Variants in FRS2 observed in about 807,000 individuals in gnomAD.
FRS2 encodes the protein FGFR signalling adaptor.
In FRS2, 8 loss-of-function variants were observed where a neutral mutation model predicts 43.9. That is an observed-to-expected ratio of 0.18 (90% CI 0.11 to 0.33). The LOEUF (loss-of-function observed/expected upper bound fraction) is 0.33, where lower values mean the gene tolerates loss of function less well. Among genes scored for constraint, FRS2 ranks in the 10% least tolerant of loss-of-function variants. The pLI is 1.00. For synonymous variants in FRS2, 219 were observed against 220.3 expected (o/e 0.99, Z 0.05); for missense variants, 534 against 627.6 (o/e 0.85, Z 1.59).
At chr12:69,496,287 A>AG (rs757554644) in intron 1 of FRS2, among the ~76,000 whole-genome samples, 6 of 152,118 alleles carry the variant, frequency 3.9e-5, no homozygotes, top group Non-Finnish European at 7.4e-5. Context: ...ATACAAAAAA[A>AG]TTAGCCGGGC....
At chr12:69,521,761 C>T (rs1285324407) in intron 1 of FRS2, among the ~76,000 whole-genome samples, 1 of 152,060 alleles carries the variant, frequency 6.6e-6, no homozygotes, top group African/African-American at 2.4e-5. Context: ...ACTACAGGTG[C>T]CCGCCACCGC....
intron 1 of FRS2, among the ~76,000 whole-genome samples, chr12:69,492,829 G>C (rs1276501560): frequency 1.3e-5 from 2 of 152,166 alleles, no homozygotes; most frequent in Non-Finnish European, 1.5e-5. Flanking sequence ...TTCCATGGTG[G>C]AGCAAAACAG....
At chr12:69,501,722 G>A (rs774172038) in intron 1 of FRS2, among the ~76,000 whole-genome samples, 3 of 152,082 alleles carry the variant, frequency 2.0e-5, no homozygotes, top group Non-Finnish European at 2.9e-5. Flanking sequence ...AACTCTGGAG[G>A]GTGTGGACGG....
intron 3 of FRS2, among the ~76,000 whole-genome samples, chr12:69,540,493 CA>C (rs202201669): frequency 0.01 from 1,564 of 152,008 alleles, 22 homozygotes; most frequent in African/African-American, 0.036. Context: ...AATTATAACT[CA>C]GAGTATAAAA....
chr12:69,476,177 T>G (rs1039932664), intron 1 of FRS2, among the ~76,000 whole-genome samples: 1 of 152,250 alleles, frequency 6.6e-6, no homozygotes, highest in Non-Finnish European at 1.5e-5. Flanking sequence ...TCTGCCCTTG[T>G]GTTAGCCTAC....
chr12:69,517,271 ATGT>A (rs1425808903), intron 1 of FRS2, among the ~76,000 whole-genome samples: 5 of 152,230 alleles, frequency 3.3e-5, no homozygotes, highest in Non-Finnish European at 7.3e-5. Flanking sequence ...ATTATTTAAA[ATGT>A]TGTATAAAAT....
intron 1 of FRS2, among the ~76,000 whole-genome samples, chr12:69,492,225 G>T (rs1328604649): frequency 2.0e-5 from 3 of 152,160 alleles, no homozygotes; most frequent in Non-Finnish European, 4.4e-5. Context: ...TTGACTAGAG[G>T]CTGGGGGTAG....
chr12:69,471,719 C>T (rs1870313975), intron 1 of FRS2, among the ~76,000 whole-genome samples: 1 of 152,224 alleles, frequency 6.6e-6, no homozygotes, highest in South Asian at 2.1e-4. Context: ...TAAGGGAATG[C>T]AGTTACTGCA....
intron 3 of FRS2, among the ~76,000 whole-genome samples, chr12:69,538,223 A>ATATATATATATATATATATATATATG (rs1194377826): frequency 3.0e-5 from 3 of 100,180 alleles, no homozygotes; most frequent in African/African-American, 1.3e-4. Context: ...ATATATATAT[A>ATATATATATATATATATATATATATG]GCATTGCAGA....
intron 3 of FRS2, among the ~76,000 whole-genome samples, chr12:69,559,329 A>C (rs1879687579): frequency 6.6e-6 from 1 of 152,200 alleles, no homozygotes; most frequent in Admixed American, 6.5e-5. Flanking sequence ...TAATTGCCAG[A>C]AATTAAGGTA....
chr12:69,514,844 A>T (rs76770844), intron 1 of FRS2, among the ~76,000 whole-genome samples: 1 of 142,784 alleles, frequency 7.0e-6, no homozygotes, highest in Non-Finnish European at 1.5e-5. Context: ...AAAAAAAAAA[A>T]GATGGGTGGA....
intron 3 of FRS2, among the ~76,000 whole-genome samples, chr12:69,551,339 C>T (rs1254747878): frequency 2.0e-5 from 3 of 151,570 alleles, no homozygotes; most frequent in African/African-American, 7.3e-5. Context: ...GGCAATGGAG[C>T]GAGACCCTGT....
intron 1 of FRS2, among the ~76,000 whole-genome samples, chr12:69,499,995 C>T (rs1354232036): frequency 6.6e-6 from 1 of 152,064 alleles, no homozygotes; most frequent in Non-Finnish European, 1.5e-5. Context: ...GAGGGCCATT[C>T]CAAGATTCAG....
At chr12:69,533,055 C>T (rs1466667541) in intron 3 of FRS2, among the ~76,000 whole-genome samples, 1 of 152,142 alleles carries the variant, frequency 6.6e-6, no homozygotes, top group Non-Finnish European at 1.5e-5. Flanking sequence ...GTAGGATTGG[C>T]TTTAGGTTCT....
chr12:69,487,284 G>A (rs1197421709), intron 1 of FRS2, among the ~76,000 whole-genome samples: 1 of 152,190 alleles, frequency 6.6e-6, no homozygotes, highest in Non-Finnish European at 1.5e-5. Flanking sequence ...ATCTATGCTT[G>A]GTTTGAAAGC....
At chr12:69,538,040 G>A (rs530877038) in intron 3 of FRS2, 2 of 152,420 alleles carry the variant, frequency 1.3e-5, no homozygotes, top group East Asian at 3.9e-4. Context: ...GCAACTGTAT[G>A]GAAGGCAGTC....
At chr12:69,489,260 TG>T (rs746594075) in intron 1 of FRS2, among the ~76,000 whole-genome samples, 6 of 152,162 alleles carry the variant, frequency 3.9e-5, no homozygotes, top group Non-Finnish European at 8.8e-5. Context: ...AGGTAGTGTT[TG>T]GGGTAGAGTT....
chr12:69,494,175 A>G (rs1872692844), intron 1 of FRS2, among the ~76,000 whole-genome samples: 1 of 152,240 alleles, frequency 6.6e-6, no homozygotes, highest in African/African-American at 2.4e-5. Flanking sequence ...CTGAGGCTAC[A>G]AAGTCCAATA....
At chr12:69,547,829 A>ATT (rs1240037971) in intron 3 of FRS2, among the ~76,000 whole-genome samples, 5 of 92,272 alleles carry the variant, frequency 5.4e-5, no homozygotes, top group East Asian at 9.7e-4. Flanking sequence ...ATCCATTAAT[A>ATT]CTTTTTTTTT....
Sources: gnomAD v4.1 joint callset for allele counts (sites outside exome capture counted in the v4.1 genomes callset) on GRCh38, gnomAD v4.1.1 for gene constraint, MANE v1.5 for transcripts, NCBI Gene and HGNC (gene_info 2026-07-23, HGNC 2026-07-21) for gene names.